WWOX: variants seen among roughly 807,000 people sequenced by gnomAD.
WWOX encodes WW domain-containing oxidoreductase.
In WWOX, 69 loss-of-function variants were observed where a neutral mutation model predicts 46.2. That is an observed-to-expected ratio of 1.49 (90% CI 1.23 to 1.82). The LOEUF is 1.82. Ranked by LOEUF, WWOX falls within the 40% of genes most tolerant of loss-of-function variation. The pLI is 0.00. For synonymous variants in WWOX, 359 were observed against 202.6 expected, an observed-to-expected ratio of 1.77 and a Z score of -6.56; for missense variants, 919 against 542.6, an observed-to-expected ratio of 1.69 and a Z score of -6.89.
chr16:78,818,501 C>A (rs554451776), intron 8 of WWOX, among the ~76,000 whole-genome samples: 2 of 152,300 alleles, frequency 1.3e-5, no homozygotes, highest in South Asian at 4.1e-4. Context: ...GAGGCCACGG[C>A]AAGAGGATCA....
At chr16:78,959,752 C>G (rs371899371) in intron 8 of WWOX, among the ~76,000 whole-genome samples, 1 of 152,146 alleles carries the variant, frequency 6.6e-6, no homozygotes, top group African/African-American at 2.4e-5. Context: ...GACCAAATGC[C>G]CATATTGATG....
At chr16:79,187,241 C>T (rs1375103009) in intron 8 of WWOX, among the ~76,000 whole-genome samples, 1 of 152,148 alleles carries the variant, frequency 6.6e-6, no homozygotes, top group Non-Finnish European at 1.5e-5. Context: ...CAGCACTTAT[C>T]ACATAGTTTT....
intron 8 of WWOX, among the ~76,000 whole-genome samples, chr16:79,075,986 A>G (rs988124760): frequency 4.6e-5 from 7 of 152,236 alleles, no homozygotes; most frequent in African/African-American, 1.7e-4. Flanking sequence ...AACATTAAAA[A>G]TAAAGTATTT....
At chr16:78,911,402 G>A (rs932132013) in intron 8 of WWOX, among the ~76,000 whole-genome samples, 2 of 151,938 alleles carry the variant, frequency 1.3e-5, no homozygotes, top group East Asian at 1.9e-4. Flanking sequence ...TCTTTTTCTT[G>A]ATGGCCTGGG....
intron 8 of WWOX, among the ~76,000 whole-genome samples, chr16:78,509,149 T>G (rs1199869799): frequency 2.0e-5 from 3 of 152,186 alleles, no homozygotes; most frequent in African/African-American, 7.2e-5. Flanking sequence ...CAATTAATAA[T>G]TGAAGCTTGC....
At chr16:78,488,425 C>A (rs2084693481) in intron 8 of WWOX, among the ~76,000 whole-genome samples, 1 of 151,930 alleles carries the variant, frequency 6.6e-6, no homozygotes, top group South Asian at 2.1e-4. Context: ...ACACCTGAGC[C>A]CTTTTTTAGG....
intron 8 of WWOX, among the ~76,000 whole-genome samples, chr16:79,014,102 G>A (rs930349993): frequency 6.6e-6 from 1 of 152,310 alleles, no homozygotes; most frequent in Non-Finnish European, 1.5e-5. Context: ...GCTTTAGCCC[G>A]AGCTGGGTCT....
At chr16:78,718,758 G>T (rs11864554) in intron 8 of WWOX, among the ~76,000 whole-genome samples, 1 of 152,100 alleles carries the variant, frequency 6.6e-6, no homozygotes, top group Non-Finnish European at 1.5e-5. Context: ...TTTAAAAGAA[G>T]TATTCATTTA....
chr16:78,934,168 T>C (rs1358143019), intron 8 of WWOX, among the ~76,000 whole-genome samples: 2 of 151,564 alleles, frequency 1.3e-5, no homozygotes, highest in African/African-American at 4.9e-5. Flanking sequence ...ACCCCGTCTC[T>C]ACTAAAAATA....
chr16:78,591,146 C>G (rs909174926), intron 8 of WWOX, among the ~76,000 whole-genome samples: 1 of 152,132 alleles, frequency 6.6e-6, no homozygotes, highest in Non-Finnish European at 1.5e-5. Context: ...AGTTTCACCC[C>G]CCTTTCTCCC....
chr16:79,123,360 C>G (rs2049680189), intron 8 of WWOX, among the ~76,000 whole-genome samples: 1 of 152,124 alleles, frequency 6.6e-6, no homozygotes, highest in South Asian at 2.1e-4. Flanking sequence ...GGCATCTTAC[C>G]TATAAAAATA....
chr16:79,149,134 C>A (rs1408959716), intron 8 of WWOX, among the ~76,000 whole-genome samples: 1 of 152,084 alleles, frequency 6.6e-6, no homozygotes, highest in Non-Finnish European at 1.5e-5. Context: ...AAGTTATTTA[C>A]CATTTCACCA....
At chr16:78,179,331 G>T (rs1347836155) in intron 5 of WWOX, among the ~76,000 whole-genome samples, 3 of 152,174 alleles carry the variant, frequency 2.0e-5, no homozygotes, top group African/African-American at 7.2e-5. Context: ...TGGATTAACA[G>T]ATTACATTTG....
intron 8 of WWOX, among the ~76,000 whole-genome samples, chr16:78,926,251 T>C (rs1403283135): frequency 3.3e-5 from 5 of 151,848 alleles, no homozygotes; most frequent in Non-Finnish European, 7.4e-5. Context: ...TGCCCACTTG[T>C]GGTTTCAGCT....
At chr16:78,570,434 G>A (rs114977123) in intron 8 of WWOX, among the ~76,000 whole-genome samples, 1,666 of 152,160 alleles carry the variant, frequency 0.011, 27 homozygotes, top group African/African-American at 0.037. Flanking sequence ...TTAGTCTCCC[G>A]AGTAGCTGGG....
intron 8 of WWOX, among the ~76,000 whole-genome samples, chr16:78,625,869 A>C (rs923516642): frequency 2.7e-5 from 4 of 149,852 alleles, no homozygotes; most frequent in Admixed American, 2.6e-4. Flanking sequence ...GCATTACTTA[A>C]AAGTTTTTAA....
intron 8 of WWOX, among the ~76,000 whole-genome samples, chr16:78,987,986 T>A (rs2046813775): frequency 1.3e-5 from 2 of 152,072 alleles, no homozygotes; most frequent in African/African-American, 4.8e-5. Context: ...TTCAAGAAAT[T>A]TTAATAACAA....
intron 8 of WWOX, among the ~76,000 whole-genome samples, chr16:78,696,661 A>AT (rs1481386926): frequency 3.3e-5 from 5 of 151,468 alleles, no homozygotes; most frequent in African/African-American, 7.3e-5. Context: ...ATTTTCTTTA[A>AT]TTTTTTTAAA....
intron 8 of WWOX, among the ~76,000 whole-genome samples, chr16:78,601,274 G>C (rs1199710769): frequency 1.3e-5 from 2 of 151,978 alleles, no homozygotes; most frequent in Non-Finnish European, 2.9e-5. Flanking sequence ...TGCCCCTTTG[G>C]GTGTTTGTGA....
Sources: allele counts gnomAD v4.1 joint callset (sites outside exome capture counted in the v4.1 genomes callset), GRCh38; gene constraint gnomAD v4.1.1; transcripts MANE v1.5; gene names NCBI Gene and HGNC (gene_info 2026-07-23, HGNC 2026-07-21).